The following LPP variants were observed in gnomAD, a reference collection of about 807,000 sequenced individuals.
The protein encoded by LPP is LIM domain containing preferred translocation partner in lipoma, also known as lipoma-preferred partner.
In LPP, 38 loss-of-function variants were observed where a neutral mutation model predicts 60.4. That is an observed-to-expected ratio of 0.63 (90% CI 0.49 to 0.83). LPP has a LOEUF of 0.83. Among genes scored for constraint, LPP ranks in the 40% least tolerant of loss-of-function variants. The probability of loss-of-function intolerance (pLI) is 0.00; values close to 1 mark genes in which losing one functional copy is unlikely to be tolerated. For synonymous variants in LPP, 328 were observed against 290.8 expected (o/e 1.13, Z -1.30); for missense variants, 902 against 783.6 (o/e 1.15, Z -1.80).
At chr3:188,509,624 CCCTTCCTTCCTTCCTT>C (rs1166656652) in intron 5 of LPP, among the ~76,000 whole-genome samples, 14 of 116,898 alleles carry the variant, frequency 1.2e-4, no homozygotes, top group African/African-American at 4.5e-4. Context: ...TTTTTTTGTC[CCCTTCCTTCCTTCCTT>C]CCTTCCTTCC....
At chr3:188,806,795 A>G (rs1334608976) in intron 9 of LPP, among the ~76,000 whole-genome samples, 1 of 151,842 alleles carries the variant, frequency 6.6e-6, no homozygotes, top group Non-Finnish European at 1.5e-5. Flanking sequence ...TAGTTTCAGG[A>G]CCTTACAATT....
chr3:188,239,886 T>C (rs1723286083), intron 2 of LPP: 1 of 209,210 alleles, frequency 4.8e-6, no homozygotes, highest in Admixed American at 5.9e-5. Context: ...CTTTCATTTC[T>C]AATGAAATTT....
intron 2 of LPP, among the ~76,000 whole-genome samples, chr3:188,241,721 G>GTTC (rs1724927699): frequency 6.8e-6 from 1 of 147,112 alleles, no homozygotes; most frequent in African/African-American, 2.7e-5. Context: ...AGAATCTTCA[G>GTTC]AGAGTCGTTG....
chr3:188,430,725 A>G (rs1370536559), intron 4 of LPP, among the ~76,000 whole-genome samples: 3 of 152,130 alleles, frequency 2.0e-5, no homozygotes, highest in Non-Finnish European at 4.4e-5. Context: ...TTTTGTTGCA[A>G]CCTGAGAAGG....
At chr3:188,849,408 ATCCTATT>A (rs1355061961) in intron 9 of LPP, among the ~76,000 whole-genome samples, 3 of 152,128 alleles carry the variant, frequency 2.0e-5, no homozygotes, top group African/African-American at 7.3e-5. Context: ...TAGGACTAGT[ATCCTATT>A]TCCTAACTCC....
intron 4 of LPP, among the ~76,000 whole-genome samples, chr3:188,447,769 C>T (rs1016265219): frequency 6.6e-6 from 1 of 151,876 alleles, no homozygotes; most frequent in Non-Finnish European, 1.5e-5. Flanking sequence ...CAGCAAGACT[C>T]CATCTTAGAA....
intron 9 of LPP, among the ~76,000 whole-genome samples, chr3:188,859,088 T>TA (rs1255941585): frequency 1.1e-5 from 1 of 88,370 alleles, no homozygotes; most frequent in African/African-American, 5.4e-5. Context: ...GACTCTGTCT[T>TA]TAAAAAAAAA....
intron 2 of LPP, among the ~76,000 whole-genome samples, chr3:188,262,802 C>G (rs1026909203): frequency 6.6e-6 from 1 of 151,456 alleles, no homozygotes; most frequent in African/African-American, 2.4e-5. Flanking sequence ...GATAGGAAAA[C>G]TGAAATCTAG....
chr3:188,878,759 T>TAAAAAAAAAAAAAAAAAAAAAGAA lies in LPP; in HGVS notation c.*4296_*4297insAAAAAGAAAAAAAAAAAAAAAAAA, dbSNP rs11448997. 1.3e-5 allele frequency: 2 copies of TAAAAAAAAAAAAAAAAAAAAAGAA among 153,926 alleles called. No homozygotes were observed. The highest frequency in any genetic ancestry group is 2.9e-5 in the African/African-American group (1 of 34,832). 9.5% of individuals were successfully genotyped at this position (153,926 alleles called of 1,614,324 possible). On this transcript the variant is annotated 3_prime_UTR_variant, in exon 12 of 12. Coordinates refer to ENST00000617246, the MANE Select transcript of LPP (RefSeq NM_001375462.1). ...ATATACTCACCAAAAAGTAAAAAAG[T>TAAAAAAAAAAAAAAAAAAAAAGAA]AAAAAAAAAAAAAAAAGAAAGAAAG...
chr3:188,203,598 T>C (rs949191383), intron 1 of LPP, among the ~76,000 whole-genome samples: 1 of 113,120 alleles, frequency 8.8e-6, no homozygotes, highest in Non-Finnish European at 1.7e-5. Flanking sequence ...TATTTAAATA[T>C]ATATAAATAT....
chr3:188,722,119 T>C (rs1036195171), intron 8 of LPP, among the ~76,000 whole-genome samples: 1 of 152,178 alleles, frequency 6.6e-6, no homozygotes, highest in Non-Finnish European at 1.5e-5. Flanking sequence ...TTGTTACTGT[T>C]ACCCATTTCC....
intron 2 of LPP, among the ~76,000 whole-genome samples, chr3:188,265,868 C>G (rs73888099): frequency 0.074 from 8,392 of 113,418 alleles, 409 homozygotes; most frequent in African/African-American, 0.2. Context: ...TAGGATTACT[C>G]TGGTGTGTGT....
At chr3:188,366,593 G>C (rs1771244821) in intron 3 of LPP, among the ~76,000 whole-genome samples, 1 of 152,176 alleles carries the variant, frequency 6.6e-6, no homozygotes, top group Non-Finnish European at 1.5e-5. Context: ...TTGGTGTGTG[G>C]CTAGTTGTTT....
chr3:188,708,161 G>A (rs983514593), intron 7 of LPP, 106 bp from the exon 8 acceptor site: 10 of 1,290,070 alleles, frequency 7.8e-6, no homozygotes, highest in East Asian at 4.7e-5. Context: ...TGACAGCCAC[G>A]TCCAGTGCTT....
At chr3:188,169,081 C>A (rs111657220) in intron 1 of LPP, among the ~76,000 whole-genome samples, 2,695 of 152,354 alleles carry the variant, frequency 0.018, 40 homozygotes, top group South Asian at 0.05. Context: ...GGAGAAGAGG[C>A]AGCAGTCCAT....
At chr3:188,524,520 C>G in intron 5 of LPP, 145 bp from the exon 6 acceptor site, 1 of 757,482 alleles carries the variant, frequency 1.3e-6, no homozygotes, top group South Asian at 1.8e-5. Flanking sequence ...CAGCCTACCT[C>G]ACTGAGATTT....
chr3:188,725,110 A>G (rs1717885184), intron 8 of LPP, among the ~76,000 whole-genome samples: 1 of 152,140 alleles, frequency 6.6e-6, no homozygotes, highest in Non-Finnish European at 1.5e-5. Flanking sequence ...CCCACTCCTA[A>G]TTTTGGATGT....
At chr3:188,686,769 G>C (rs977350357) in intron 7 of LPP, among the ~76,000 whole-genome samples, 31 of 152,184 alleles carry the variant, frequency 2.0e-4, no homozygotes, top group African/African-American at 7.2e-4. Flanking sequence ...AGTATGGGAA[G>C]AATCAACATA....
intron 2 of LPP, among the ~76,000 whole-genome samples, chr3:188,288,818 A>AAACCCCCCCCCCCCCCCCCCCCCCCCC (rs1553851074): frequency 3.7e-5 from 1 of 27,096 alleles, no homozygotes; most frequent in Admixed American, 3.3e-4. Flanking sequence ...TCCACCCCCC[A>AAACCCCCCCCCCCCCCCCCCCCCCCCC]CCCCCCACCC....
Sources: allele counts gnomAD v4.1 joint callset (sites outside exome capture counted in the v4.1 genomes callset), GRCh38; gene constraint gnomAD v4.1.1; transcripts MANE v1.5; gene names NCBI Gene and HGNC (gene_info 2026-07-23, HGNC 2026-07-21).